The following DUS2 variants were observed in gnomAD, a reference collection of about 807,000 sequenced individuals.
DUS2 encodes dihydrouridine synthase 2.
DUS2 carries 52 observed loss-of-function variants against 71.3 expected under a neutral mutation model. The ratio of observed to expected loss-of-function variants is 0.73; its 90% CI spans 0.58 to 0.92. The LOEUF is 0.92. DUS2 is among the 40% of genes least tolerant of loss of function. The pLI, the probability that DUS2 is intolerant of heterozygous loss-of-function variation, is 0.00. For synonymous variants in DUS2, 204 were observed against 227.8 expected, an observed-to-expected ratio of 0.90 and a Z score of 0.94; for missense variants, 558 against 622.6, an observed-to-expected ratio of 0.90 and a Z score of 1.10.
At chr16:68,036,716 A>G (rs558138136) in intron 2 of DUS2, among the ~76,000 whole-genome samples, 1 of 152,342 alleles carries the variant, frequency 6.6e-6, no homozygotes, top group East Asian at 1.9e-4. Flanking sequence ...TTGGGATTAT[A>G]GGTGTGAGCC....
At chr16:68,071,487 T>C (rs966657955) in intron 12 of DUS2, among the ~76,000 whole-genome samples, 2 of 152,222 alleles carry the variant, frequency 1.3e-5, no homozygotes, top group Non-Finnish European at 2.9e-5. Flanking sequence ...AAGGCATATG[T>C]GCCTATAGGT....
chr16:68,058,462 G>A (rs1321851639), intron 7 of DUS2, among the ~76,000 whole-genome samples: 1 of 151,954 alleles, frequency 6.6e-6, no homozygotes, highest in Non-Finnish European at 1.5e-5. Context: ...GCCTGACCTC[G>A]TGATCCACCT....
chr16:68,075,214 C>A, intron 13 of DUS2, 141 bp from the exon 14 acceptor site: 1 of 709,948 alleles, frequency 1.4e-6, no homozygotes, highest in Non-Finnish European at 2.1e-6. Context: ...GGGCAGGGGG[C>A]ACATTCTGAT....
chr16:68,055,595 G>A (rs1306993784), intron 6 of DUS2, among the ~76,000 whole-genome samples: 1 of 152,096 alleles, frequency 6.6e-6, no homozygotes, highest in African/African-American at 2.4e-5. Context: ...TGAGAACCTA[G>A]TTTTCTCACC....
At chr16:68,051,605 G>T (rs750343760) in intron 4 of DUS2, among the ~76,000 whole-genome samples, 3 of 151,806 alleles carry the variant, frequency 2.0e-5, no homozygotes, top group Non-Finnish European at 2.9e-5. Flanking sequence ...TTCCCCAGCT[G>T]GTCTCAAACT....
At chr16:68,050,618 T>TTA (rs2033765034) in intron 4 of DUS2, among the ~76,000 whole-genome samples, 1 of 152,170 alleles carries the variant, frequency 6.6e-6, no homozygotes, top group Non-Finnish European at 1.5e-5. Flanking sequence ...TATGACGTGT[T>TTA]TATATATATC....
chr16:68,065,395 G>A lies in DUS2; in HGVS notation c.418-922G>A, dbSNP rs568936772. 3.3e-3 allele frequency among the ~76,000 whole-genome samples: 485 copies of A among 146,250 alleles called. 5 individuals are homozygous for A. The highest frequency in any genetic ancestry group is 0.012 in the African/African-American group (455 of 39,504). On this transcript the variant is annotated intron_variant, in intron 8 of 16. Transcript: ENST00000565263. ...CCCCCCGCTTTTTTTTTTTTTAATA[G>A]AAACAGGGATGGGCTAGGTGCAGTG... is the stretch of plus-strand genomic sequence containing the variant.
intron 15 of DUS2, chr16:68,077,370 A>T (rs978703479): frequency 1.1e-4 from 16 of 151,392 alleles, no homozygotes; most frequent in East Asian, 3.9e-4. Flanking sequence ...TTTTTTAAAA[A>T]TTTTATTTAA....
chr16:68,033,220 C>T (rs998769891), intron 2 of DUS2, among the ~76,000 whole-genome samples: 2 of 151,962 alleles, frequency 1.3e-5, no homozygotes, highest in African/African-American at 4.8e-5. Context: ...AACAGATGAG[C>T]GGAGGGTTTC....
chr16:68,071,414 CT>C (rs972059276), intron 12 of DUS2, among the ~76,000 whole-genome samples: 1 of 152,170 alleles, frequency 6.6e-6, no homozygotes, highest in African/African-American at 2.4e-5. Flanking sequence ...ATATATCTTT[CT>C]TTTTCTCACA....
At position 68,079,069 on chromosome 16, in the gene DUS2, G is replaced by A; in HGVS notation, c.*83G>A. Reference sequence around the variant, plus strand: ...GCCACAGCATGAACCAGATGCCGTTGAACAGTTTGCTGGTCTTGCCTGGCA... The same window carrying A: ...GCCACAGCATGAACCAGATGCCGTTAAACAGTTTGCTGGTCTTGCCTGGCA... On this transcript the variant is annotated 3_prime_UTR_variant, in exon 17 of 17. Coordinates refer to ENST00000565263, the MANE Select transcript of DUS2 (RefSeq NM_017803.5). 1.6e-6 allele frequency: 2 copies of A among 1,270,914 alleles called. No homozygotes were observed. Among genetic ancestry groups the A allele is most frequent in the South Asian group, 1.6e-5 (1 of 61,390 alleles). 78.7% of individuals were successfully genotyped at this position (1,270,914 alleles called of 1,614,324 possible).
chr16:68,075,927 G>T (rs544244304), intron 14 of DUS2, among the ~76,000 whole-genome samples: 1 of 152,226 alleles, frequency 6.6e-6, no homozygotes, highest in South Asian at 2.1e-4. Flanking sequence ...CTCTCAAGCT[G>T]CTTACGCCTC....
At chr16:68,051,873 C>T (rs1245068429) in intron 4 of DUS2, among the ~76,000 whole-genome samples, 1 of 152,072 alleles carries the variant, frequency 6.6e-6, no homozygotes, top group East Asian at 1.9e-4. Flanking sequence ...AGCATTTCAG[C>T]AGTATGGTTG....
At chr16:68,072,275 T>C (rs2034098321) in intron 12 of DUS2, among the ~76,000 whole-genome samples, 1 of 152,196 alleles carries the variant, frequency 6.6e-6, no homozygotes, top group Admixed American at 6.5e-5. Flanking sequence ...CTGGTTCTGG[T>C]GTCCTGCTGG....
chr16:68,045,323 CGGCCCAGCGTGG>C (rs1417736843), intron 3 of DUS2, among the ~76,000 whole-genome samples: 1 of 151,874 alleles, frequency 6.6e-6, no homozygotes, highest in Non-Finnish European at 1.5e-5. Flanking sequence ...AAGATCACAT[CGGCCCAGCGTGG>C]TGGCTCACAC....
rs112824556 is a variant in DUS2 at position 68,041,012 on chromosome 16, C to T, written c.126+2863C>T. The stretch of plus-strand genomic sequence containing the variant: ...TTGGGAGGCCAAGACAGGTGGATCA[C>T]CTGAGGTCAGGAGTTCAAGACCAGC... On this transcript the variant is annotated intron_variant, in intron 3 of 16. Coordinates refer to ENST00000565263, the MANE Select transcript of DUS2 (RefSeq NM_017803.5). 4.9e-3 allele frequency among the ~76,000 whole-genome samples: 745 copies of T among 152,236 alleles called. 8 individuals carry two copies. The highest frequency in any genetic ancestry group is 0.017 in the African/African-American group (705 of 41,550).
At chr16:68,043,624 A>T (rs533665297) in intron 3 of DUS2, among the ~76,000 whole-genome samples, 2 of 152,308 alleles carry the variant, frequency 1.3e-5, no homozygotes, top group Non-Finnish European at 2.9e-5. Flanking sequence ...GTAATTTTTT[A>T]AAAACAACAA....
chr16:68,069,159 C>G (rs571025047), intron 10 of DUS2, among the ~76,000 whole-genome samples: 1 of 151,906 alleles, frequency 6.6e-6, no homozygotes, highest in Admixed American at 6.6e-5. Flanking sequence ...GAGGCCGAGG[C>G]GGGTGGATCA....
Position 68,071,032 on chromosome 16 carries a change from C to T in DUS2, c.734C>T (p.Ala245Val). The T allele has an allele frequency of 1.2e-6, 2 of 1,614,208 alleles. No homozygotes were observed. Among genetic ancestry groups the T allele is most frequent in the South Asian group, 1.1e-5 (1 of 91,088 alleles). The part of the protein sequence containing the change: ...AASSVMVARA[A>V]MWNPSIFLKE... ...TCTTCCGTGATGGTGGCCCGAGCAG[C>T]CATGTGGAACCCATCTATCTTCCTC... Residue 245 changes from alanine (A) to valine (V), a missense_variant, in exon 12 of 17, where the codon GCC (alanine) becomes GTC (valine). By Grantham distance (64) the Ala-to-Val change is moderately conservative (BLOSUM62 0). Transcript: ENST00000565263.
Sources: allele counts gnomAD v4.1 joint callset (sites outside exome capture counted in the v4.1 genomes callset), GRCh38; gene constraint gnomAD v4.1.1; transcripts MANE v1.5; gene names NCBI Gene and HGNC (gene_info 2026-07-23, HGNC 2026-07-21).